PTPRG: variants seen among roughly 807,000 people sequenced by gnomAD.
The protein encoded by PTPRG is receptor-type tyrosine-protein phosphatase gamma.
A neutral mutation model predicts 165.3 loss-of-function variants in PTPRG; 102 were observed. That is an observed-to-expected ratio of 0.62 (90% CI 0.53 to 0.73). PTPRG has a LOEUF of 0.73. Among genes scored for constraint, PTPRG ranks in the 30% least tolerant of loss-of-function variants. The probability of loss-of-function intolerance (pLI) is 0.00; values close to 1 mark genes in which losing one functional copy is unlikely to be tolerated. For missense variants in PTPRG, 1,866 were observed against 1,861.4 expected (o/e 1.00, Z -0.05); for synonymous variants, 675 against 669.5 (o/e 1.01, Z -0.13).
At chr3:61,742,918 C>T in intron 1 of PTPRG, 5 of 1,472,390 alleles carry the variant, frequency 3.4e-6, no homozygotes, top group East Asian at 2.3e-5. Context: ...GACACACACA[C>T]ACAACTTAGG....
intron 4 of PTPRG, among the ~76,000 whole-genome samples, chr3:62,027,949 C>G (rs1343177438): frequency 2.0e-5 from 3 of 152,134 alleles, no homozygotes; most frequent in Non-Finnish European, 4.4e-5. Context: ...CTGCTCCGGG[C>G]AAGTGTTTGC....
At chr3:61,954,630 G>A (rs1036324262) in intron 2 of PTPRG, among the ~76,000 whole-genome samples, 1 of 152,174 alleles carries the variant, frequency 6.6e-6, no homozygotes, top group Non-Finnish European at 1.5e-5. Flanking sequence ...AGACTCAAGC[G>A]AAGCCAGGGG....
chr3:61,738,449 A>G (rs1003510324), intron 1 of PTPRG, among the ~76,000 whole-genome samples: 1 of 151,280 alleles, frequency 6.6e-6, no homozygotes, highest in African/African-American at 2.4e-5. Context: ...TTCAAATACC[A>G]AAGTTAGGTG....
chr3:61,682,980 C>T (rs1339426290), intron 1 of PTPRG, among the ~76,000 whole-genome samples: 1 of 152,072 alleles, frequency 6.6e-6, no homozygotes. Flanking sequence ...GCTTTTCTTT[C>T]TCTCTTTCTT....
chr3:61,939,952 TTTTTTTTTTTTTG>T (rs1463967681), intron 2 of PTPRG, among the ~76,000 whole-genome samples: 4 of 118,426 alleles, frequency 3.4e-5, no homozygotes, highest in African/African-American at 1.5e-4. Flanking sequence ...TTTTTTTTTT[TTTTTTTTTTTTTG>T]AGACAGTCTT....
At chr3:61,693,626 G>C (rs28539293) in intron 1 of PTPRG, among the ~76,000 whole-genome samples, 4,556 of 152,198 alleles carry the variant, frequency 0.03, 220 homozygotes, top group African/African-American at 0.1. Context: ...GGTGCACAAG[G>C]TGTGTGTGTT....
chr3:62,095,327 G>A (rs1208172601), intron 5 of PTPRG, among the ~76,000 whole-genome samples: 1 of 152,162 alleles, frequency 6.6e-6, no homozygotes, highest in Non-Finnish European at 1.5e-5. Flanking sequence ...GGAGATTTTT[G>A]TGAGGTGGTG....
At chr3:62,134,609 C>A (rs1254980912) in intron 6 of PTPRG, among the ~76,000 whole-genome samples, 1 of 152,232 alleles carries the variant, frequency 6.6e-6, no homozygotes, top group Non-Finnish European at 1.5e-5. Flanking sequence ...TCCCACCCTA[C>A]TCCCATCACT....
At chr3:61,606,501 T>C (rs1209347185) in intron 1 of PTPRG, among the ~76,000 whole-genome samples, 1 of 152,248 alleles carries the variant, frequency 6.6e-6, no homozygotes, top group African/African-American at 2.4e-5. Flanking sequence ...CCTGCGGAGC[T>C]ATATACAGAG....
chr3:61,621,876 G>GTACTTAAT (rs1236422409), intron 1 of PTPRG, among the ~76,000 whole-genome samples: 1 of 152,104 alleles, frequency 6.6e-6, no homozygotes, highest in African/African-American at 2.4e-5. Flanking sequence ...GTGGTTCTCT[G>GTACTTAAT]TAGAATTAAG....
At chr3:61,673,588 C>T (rs907756509) in intron 1 of PTPRG, among the ~76,000 whole-genome samples, 3 of 152,114 alleles carry the variant, frequency 2.0e-5, no homozygotes, top group Non-Finnish European at 4.4e-5. Context: ...ATTGTTTGTA[C>T]TAGTTTATTA....
At chr3:62,102,659 T>G (rs79564929) in intron 5 of PTPRG, among the ~76,000 whole-genome samples, 9,951 of 151,162 alleles carry the variant, frequency 0.066, 482 homozygotes, top group Non-Finnish European at 0.098. Flanking sequence ...AGGAAATCTG[T>G]TTTTTTTTCT....
intron 5 of PTPRG, among the ~76,000 whole-genome samples, chr3:62,093,143 A>T (rs192426714): frequency 2.0e-5 from 3 of 152,304 alleles, no homozygotes; most frequent in Admixed American, 6.5e-5. Context: ...GCGTGATTCT[A>T]AATAGTGCAC....
In PTPRG at chr3:62,015,434, TA is replaced by T. The variant is rs139200980; in HGVS notation, c.519+11938del. Among the ~76,000 whole-genome samples the T allele has an allele frequency of 6.3e-3, 959 of 152,342 alleles. 9 individuals are homozygous for T. Among genetic ancestry groups the T allele is most frequent in the African/African-American group, 0.022 (925 of 41,570 alleles). ...TACTGCAGGCAAGATGGGAAATTGT[TA>T]GAATGTTTTCAGCAGAGAATGTTCT... On this transcript the variant is annotated intron_variant, in intron 4 of 29. Coordinates refer to ENST00000474889, the MANE Select transcript of PTPRG (RefSeq NM_002841.4).
chr3:62,252,885 T>C lies in PTPRG; in HGVS notation c.2468-2239T>C, dbSNP rs1196309902. Reference sequence around the variant, plus strand: ...CGCCTGTCTGGTACTTTTGTGACATTATTGGTGGTGCCTGGAAACCCAGAG... The same window carrying C: ...CGCCTGTCTGGTACTTTTGTGACATCATTGGTGGTGCCTGGAAACCCAGAG... On this transcript the variant is annotated intron_variant, in intron 15 of 29. Transcript: ENST00000474889. The surrounding 1 kb of genome is among the most constrained non-coding windows in gnomAD (Gnocchi z 4.6). 6.6e-6 allele frequency among the ~76,000 whole-genome samples: 1 copy of C among 152,148 alleles called. No individual in the cohort carries two copies. Among genetic ancestry groups the C allele is most frequent in the African/African-American group, 2.4e-5 (1 of 41,430 alleles).
At chr3:62,234,548 G>A (rs926371242) in intron 14 of PTPRG, among the ~76,000 whole-genome samples, 6 of 151,802 alleles carry the variant, frequency 4.0e-5, no homozygotes, top group East Asian at 3.9e-4. Flanking sequence ...ACGGTGTCTC[G>A]GTGTGATTTT....
intron 2 of PTPRG, among the ~76,000 whole-genome samples, chr3:61,827,296 G>T (rs942858046): frequency 9.2e-5 from 14 of 152,216 alleles, no homozygotes; most frequent in African/African-American, 3.1e-4. Context: ...ACCCAGAGAA[G>T]TATGTGGTAA....
intron 14 of PTPRG, among the ~76,000 whole-genome samples, chr3:62,239,472 C>T (rs1011211167): frequency 3.3e-5 from 5 of 149,868 alleles, no homozygotes; most frequent in South Asian, 2.1e-4. Context: ...CAGGTTCCAA[C>T]GTTTCTTCTG....
intron 1 of PTPRG, among the ~76,000 whole-genome samples, chr3:61,623,562 A>G (rs1379587026): frequency 6.6e-6 from 1 of 152,168 alleles, no homozygotes; most frequent in Non-Finnish European, 1.5e-5. Context: ...GGAGGTAGGT[A>G]TAGCTTGGGG....
Sources: gnomAD v4.1 joint callset for allele counts (sites outside exome capture counted in the v4.1 genomes callset) on GRCh38, gnomAD v4.1.1 for gene constraint, Gnocchi (gnomAD v3.1) non-coding constraint, MANE v1.5 for transcripts, NCBI Gene and HGNC (gene_info 2026-07-23, HGNC 2026-07-21) for gene names.